Variants in L1TD1 observed in about 807,000 individuals in gnomAD.
L1TD1 encodes the protein LINE-1 type transposase domain-containing protein 1.
L1TD1 carries 26 observed loss-of-function variants against 25.7 expected under a neutral mutation model. That is an observed-to-expected ratio of 1.01 (90% confidence interval 0.74 to 1.40). The LOEUF (loss-of-function observed/expected upper bound fraction) is 1.40, where lower values mean the gene tolerates loss of function less well. L1TD1 is among the 40% of genes most tolerant of loss of function. The pLI is 0.00. For missense variants in L1TD1, 1,130 were observed against 975.0 expected (o/e 1.16, Z -2.12); for synonymous variants, 421 against 335.6 (o/e 1.25, Z -2.78).
chr1:62,195,701 G>A (rs1180807119), intron 1 of L1TD1, among the ~76,000 whole-genome samples: 1 of 152,056 alleles, frequency 6.6e-6, no homozygotes, highest in African/African-American at 2.4e-5. Flanking sequence ...GCACTGAGAC[G>A]AGATCGCGCC....
At chr1:62,202,242 G>A (rs968133721) in intron 2 of L1TD1, among the ~76,000 whole-genome samples, 1 of 151,922 alleles carries the variant, frequency 6.6e-6, no homozygotes, top group East Asian at 1.9e-4. Flanking sequence ...GGAGGTTGCG[G>A]TGAGCCGAGA....
chr1:62,210,346 G>A lies in L1TD1; in HGVS notation c.1572G>A (p.Val524=). The A allele has an allele frequency of 1.9e-6, 3 of 1,613,820 alleles. No homozygotes were observed. The highest frequency in any genetic ancestry group is 2.5e-6 in the Non-Finnish European group (3 of 1,179,958). The change falls in exon 4 of 4, where the codon GTG becomes GTA. Residue 524 remains valine (V), a synonymous_variant. Transcript: ENST00000498273. ...GGGACTCTGGGAAGAAAAAGTTGGT[G>A]AAACACCAGGTGGTGCACAAAACCC... is the stretch of plus-strand genomic sequence containing the variant. The part of the protein sequence containing the change: ...LVGDSGKKKL[V]KHQVVHKTQE...
intron 2 of L1TD1, among the ~76,000 whole-genome samples, chr1:62,199,444 G>T (rs1183612175): frequency 1.3e-5 from 2 of 150,422 alleles, no homozygotes; most frequent in Non-Finnish European, 2.9e-5. Context: ...TTTGCAGTGA[G>T]CCAAGATTGT....
chr1:62,199,955 A>G (rs1008331708), intron 2 of L1TD1, among the ~76,000 whole-genome samples: 2 of 152,112 alleles, frequency 1.3e-5, no homozygotes, highest in Non-Finnish European at 2.9e-5. Flanking sequence ...TTTACTGTAC[A>G]TATGGTTTTT....
At chr1:62,200,891 T>C (rs1292604810) in intron 2 of L1TD1, among the ~76,000 whole-genome samples, 1 of 152,152 alleles carries the variant, frequency 6.6e-6, no homozygotes, top group Non-Finnish European at 1.5e-5. Context: ...CCTAAAAATA[T>C]TTTATTTAGT....
intron 2 of L1TD1, among the ~76,000 whole-genome samples, chr1:62,199,355 G>A (rs1408765851): frequency 1.3e-5 from 2 of 151,962 alleles, no homozygotes; most frequent in Admixed American, 1.3e-4. Context: ...AAAATTAGCC[G>A]GGCATGGTGG....
In L1TD1 at chr1:62,194,898, C is replaced by T. The variant is rs1445775240; in HGVS notation, c.-228C>T. 6.6e-6 allele frequency: 1 copy of T among 152,480 alleles called. No homozygotes were observed. The highest frequency in any genetic ancestry group is 1.5e-5 in the Non-Finnish European group (1 of 68,240). 9.4% of individuals were successfully genotyped at this position (152,480 alleles called of 1,614,324 possible). On this transcript the variant is annotated 5_prime_UTR_variant, in exon 1 of 4. Coordinates refer to ENST00000498273, the MANE Select transcript of L1TD1 (RefSeq NM_019079.5). ...CTCACTTTGTTCGCTCCTCAGTCGT[C>T]CAGGCGGATTCCTTTTTCGCCAGGT...
Position 62,209,898 on chromosome 1 carries a change from A to C in L1TD1, c.1124A>C (p.Glu375Ala). 1 of 1,614,090 alleles carries C rather than the reference A, an allele frequency of 6.2e-7. No individual in the cohort carries two copies. Among genetic ancestry groups the C allele is most frequent in the Non-Finnish European group, 8.5e-7 (1 of 1,180,024 alleles). The part of the protein sequence containing the change: ...VAKPEEMKNL[E>A]TQEEEFSELE... ...AAGCCAGAGGAGATGAAAAACTTAG[A>C]GACTCAAGAGGAAGAGTTTTCCGAG... is the stretch of plus-strand genomic sequence containing the variant. The change falls in exon 4 of 4, where the codon GAG becomes GCG. Residue 375 changes from glutamate to alanine, a missense_variant. Physicochemically the swap from Glu to Ala is moderately radical, Grantham distance 107 (BLOSUM62 -1). Coordinates refer to ENST00000498273, the MANE Select transcript of L1TD1 (RefSeq NM_019079.5).
chr1:62,206,689 A>G lies in L1TD1; in HGVS notation c.61A>G (p.Asn21Asp), dbSNP rs954170139. ...TGCTAGACTTGCAAAGAAAAAGGAA[A>G]ATATCACCTATATGAAAAGAGAGCA... ...KFARLAKKKE[N>D]ITYMKREQLT... Residue 21 changes from asparagine (N) to aspartate (D), a missense_variant, in exon 3 of 4, where the codon AAT (asparagine) becomes GAT (aspartate). Coordinates refer to ENST00000498273, the MANE Select transcript of L1TD1 (RefSeq NM_019079.5). 3 of 1,548,532 alleles carry G rather than the reference A, an allele frequency of 1.9e-6. No individual in the cohort carries two copies. The highest frequency in any genetic ancestry group is 2.6e-6 in the Non-Finnish European group (3 of 1,146,184).
In L1TD1 at chr1:62,210,843, A is replaced by G. The variant is rs1481200734; in HGVS notation, c.2069A>G (p.Gln690Arg). 6.5e-7 allele frequency: 1 copy of G among 1,549,462 alleles called. No homozygotes were observed. The highest frequency in any genetic ancestry group is 8.7e-7 in the Non-Finnish European group (1 of 1,146,566). ...MTKQIISKER[Q>R]RDIEERSRSC... Reference sequence around the variant, plus strand: ...AAACAGATAATTAGTAAAGAAAGGCAAAGAGATATAGAGGAGAGATCTAGA... The same window carrying G: ...AAACAGATAATTAGTAAAGAAAGGCGAAGAGATATAGAGGAGAGATCTAGA... Residue 690 changes from glutamine (Q) to arginine (R), a missense_variant, in exon 4 of 4, where the codon CAA becomes CGA. Transcript: ENST00000498273.
At chr1:62,201,779 C>G (rs1670644637) in intron 2 of L1TD1, among the ~76,000 whole-genome samples, 1 of 152,168 alleles carries the variant, frequency 6.6e-6, no homozygotes, top group East Asian at 1.9e-4. Flanking sequence ...ATATTCAGTA[C>G]TCCCTGCATT....
chr1:62,208,341 G>A (rs11803019), intron 3 of L1TD1: 19,993 of 152,334 alleles, frequency 0.13, 1,604 homozygotes, highest in African/African-American at 0.22. Flanking sequence ...AGTGTGTTTG[G>A]TCAGGTGCCT....
chr1:62,198,623 TCA>T (rs1248059112), intron 2 of L1TD1, among the ~76,000 whole-genome samples: 1 of 151,786 alleles, frequency 6.6e-6, no homozygotes, highest in Non-Finnish European at 1.5e-5. Flanking sequence ...AAGATGGCAG[TCA>T]CAAGCCAAGG....
chr1:62,201,597 T>G (rs1670640729), intron 2 of L1TD1, among the ~76,000 whole-genome samples: 1 of 151,120 alleles, frequency 6.6e-6, no homozygotes, highest in South Asian at 2.1e-4. Context: ...TAATCTCTCT[T>G]TTTTCTTTCT....
intron 2 of L1TD1, among the ~76,000 whole-genome samples, chr1:62,199,701 C>T (rs1205927729): frequency 1.2e-4 from 18 of 151,960 alleles, no homozygotes; most frequent in Admixed American, 1.2e-3. Flanking sequence ...AACTTAATTT[C>T]GAGTTTCTCA....
At position 62,194,864 on chromosome 1, in the gene L1TD1, G is replaced by A. The variant is rs547863149; in HGVS notation, c.-262G>A. The A allele has an allele frequency of 6.6e-6, 1 of 152,506 alleles. No homozygotes were observed. The highest frequency in any genetic ancestry group is 2.1e-4 in the South Asian group (1 of 4,830). 9.4% of individuals were successfully genotyped at this position (152,506 alleles called of 1,614,324 possible). On this transcript the variant is annotated 5_prime_UTR_variant, in exon 1 of 4. Transcript: ENST00000498273. ...GAATCCTCTCAGTCCTTAGTTACAA[G>A]GCTCCATCCTCACTTTGTTCGCTCC...
chr1:62,203,681 C>A (rs545283433), intron 2 of L1TD1, among the ~76,000 whole-genome samples: 15 of 152,222 alleles, frequency 9.9e-5, no homozygotes, highest in African/African-American at 3.6e-4. Flanking sequence ...CAGGTTCATG[C>A]CATTCTCCTG....
chr1:62,200,327 C>T (rs1204082439), intron 2 of L1TD1, among the ~76,000 whole-genome samples: 4 of 152,218 alleles, frequency 2.6e-5, no homozygotes, highest in Non-Finnish European at 4.4e-5. Flanking sequence ...CCCGCCACCA[C>T]GCCTGGCTAA....
Position 62,210,944 on chromosome 1 carries a change from A to G in L1TD1, c.2170A>G (p.Ile724Val). ...TAGGGCAGAGGACATAATTAAAGAA[A>G]TAATTGATGAAAACTTTGCAGAACT... ...ENRAEDIIKE[I>V]IDENFAELKK... is the part of the protein sequence containing the mutation. Residue 724 changes from isoleucine (I) to valine (V), a missense_variant, in exon 4 of 4, where the codon ATA becomes GTA. By Grantham distance (29) the Ile-to-Val change is conservative. Coordinates refer to ENST00000498273, the MANE Select transcript of L1TD1 (RefSeq NM_019079.5). 6.5e-7 allele frequency: 1 copy of G among 1,545,400 alleles called. No individual in the cohort carries two copies. The highest frequency in any genetic ancestry group is 8.7e-7 in the Non-Finnish European group (1 of 1,145,674).
Sources: allele counts gnomAD v4.1 joint callset (sites outside exome capture counted in the v4.1 genomes callset), GRCh38; gene constraint gnomAD v4.1.1; transcripts MANE v1.5; gene names NCBI Gene and HGNC (gene_info 2026-07-23, HGNC 2026-07-21).